ITGA2: variants seen among roughly 807,000 people sequenced by gnomAD.
ITGA2 encodes the protein integrin alpha-2.
A neutral mutation model predicts 146.3 loss-of-function variants in ITGA2; 101 were observed. The ratio of observed to expected loss-of-function variants is 0.69; its 90% confidence interval spans 0.59 to 0.81. The LOEUF (loss-of-function observed/expected upper bound fraction) is 0.81. Among genes scored for constraint, ITGA2 ranks in the 40% least tolerant of loss-of-function variants. The pLI, the probability that ITGA2 is intolerant of heterozygous loss-of-function variation, is 0.00. For synonymous variants in ITGA2, 477 were observed against 487.1 expected (o/e 0.98, Z 0.27); for missense variants, 1,281 against 1,402.7 (o/e 0.91, Z 1.39).
chr5:53,031,715 A>G (rs1001942193), intron 2 of ITGA2, among the ~76,000 whole-genome samples: 5 of 152,172 alleles, frequency 3.3e-5, no homozygotes, highest in African/African-American at 1.2e-4. Flanking sequence ...TGAGCGGGAT[A>G]ATTTTAAAAC....
rs1744825259 is a variant in ITGA2 at position 53,059,983 on chromosome 5, T to A, written c.1283T>A (p.Leu428Gln). The A allele has an allele frequency of 6.2e-7, 1 of 1,612,338 alleles. No homozygotes were observed. Among genetic ancestry groups the A allele is most frequent in the African/African-American group, 1.3e-5 (1 of 74,928 alleles). ...IFPKQAFDQI[L>Q]QDRNHSSYLG... The stretch of plus-strand genomic sequence containing the variant: ...CCTAAACAAGCCTTTGACCAAATTC[T>A]GCAGGACAGAAATCACAGTTCATAT... The change falls in exon 11 of 30, where the codon CTG becomes CAG. Residue 428 changes from leucine to glutamine, a missense_variant. Leu to Gln is a moderately radical substitution (Grantham distance 113). Coordinates refer to ENST00000296585, the MANE Select transcript of ITGA2 (RefSeq NM_002203.4).
intron 29 of ITGA2, among the ~76,000 whole-genome samples, 167 bp from the exon 30 acceptor site, chr5:53,090,352 T>G (rs1443905669): frequency 6.6e-6 from 1 of 152,156 alleles, no homozygotes. Flanking sequence ...TGGATATAAA[T>G]TTCCTTCTAG....
chr5:52,991,417 TACAC>T (rs3839264), intron 1 of ITGA2, among the ~76,000 whole-genome samples: 3 of 150,676 alleles, frequency 2.0e-5, no homozygotes, highest in East Asian at 1.9e-4. Context: ...TCACTATCAT[TACAC>T]ACACACACAC....
At chr5:53,073,603 G>T (rs929744600) in intron 20 of ITGA2, among the ~76,000 whole-genome samples, 1 of 151,856 alleles carries the variant, frequency 6.6e-6, no homozygotes, top group Non-Finnish European at 1.5e-5. Context: ...CTTAGCCTGA[G>T]CTTTGCAACT....
At chr5:53,022,740 A>G (rs536238832) in intron 1 of ITGA2, among the ~76,000 whole-genome samples, 65 of 152,142 alleles carry the variant, frequency 4.3e-4, no homozygotes, top group African/African-American at 1.4e-3. Context: ...CTAATTGTCT[A>G]TTTTTTGTAG....
intron 1 of ITGA2, among the ~76,000 whole-genome samples, chr5:53,008,965 C>CT (rs893884243): frequency 6.6e-6 from 1 of 152,108 alleles, no homozygotes; most frequent in Non-Finnish European, 1.5e-5. Flanking sequence ...GAGCATGTGT[C>CT]TATCAGTTCC....
chr5:53,001,492 A>T (rs893029834), intron 1 of ITGA2, among the ~76,000 whole-genome samples: 20 of 152,138 alleles, frequency 1.3e-4, no homozygotes, highest in Admixed American at 6.6e-5. Flanking sequence ...CACTTTTGAC[A>T]GGTCTTGGAT....
At chr5:53,063,126 G>A (rs1744976080) in intron 13 of ITGA2, among the ~76,000 whole-genome samples, 197 bp downstream of exon 13, 1 of 151,804 alleles carries the variant, frequency 6.6e-6, no homozygotes, top group Admixed American at 6.6e-5. Flanking sequence ...AGAGTTGAAT[G>A]TATAGTGTAC....
chr5:53,001,703 C>G (rs1322224218), intron 1 of ITGA2, among the ~76,000 whole-genome samples: 1 of 151,634 alleles, frequency 6.6e-6, no homozygotes. Flanking sequence ...AGCCAGGAAT[C>G]GTGCTGCATG....
rs1292844488 is a variant in ITGA2 at position 53,094,771 on chromosome 5, T to TGTA, written c.*4172_*4173insGTA. 6.6e-6 allele frequency: 1 copy of TGTA among 152,242 alleles called. No homozygotes were observed. Among genetic ancestry groups the TGTA allele is most frequent in the African/African-American group, 2.4e-5 (1 of 41,468 alleles). 9.4% of individuals were successfully genotyped at this position (152,242 alleles called of 1,614,324 possible). On this transcript the variant is annotated 3_prime_UTR_variant, in exon 30 of 30. Transcript: ENST00000296585. ...AATAAAGCCATTTTCTTTGGGCTTT[T>TGTA]ATAAGTTATATATTTTACTATTTTT...
intron 1 of ITGA2, among the ~76,000 whole-genome samples, chr5:53,024,120 G>A (rs1475152975): frequency 2.0e-5 from 3 of 152,118 alleles, no homozygotes; most frequent in African/African-American, 2.4e-5. Flanking sequence ...GTGACATTGC[G>A]CAAGAAAGAC....
chr5:53,080,199 TC>T (rs1745849787), intron 24 of ITGA2, among the ~76,000 whole-genome samples: 1 of 152,160 alleles, frequency 6.6e-6, no homozygotes, highest in Non-Finnish European at 1.5e-5. Flanking sequence ...TGAGTTTTTT[TC>T]CATTGAGCCA....
chr5:53,026,616 T>G, intron 1 of ITGA2, 132 bp from the exon 2 acceptor site: 1 of 802,348 alleles, frequency 1.2e-6, no homozygotes, highest in East Asian at 2.7e-5. Context: ...GTAGTTATTT[T>G]TTCTGGGTAA....
At chr5:53,090,412 C>A in intron 29 of ITGA2, 107 bp from the exon 30 acceptor site, 1 of 892,446 alleles carries the variant, frequency 1.1e-6, no homozygotes, top group Non-Finnish European at 1.9e-6. Context: ...TTCAGAGCCT[C>A]AGGGATTCCC....
intron 1 of ITGA2, chr5:52,990,037 C>G (rs907438701): frequency 5.8e-6 from 1 of 173,888 alleles, no homozygotes; most frequent in African/African-American, 2.4e-5. Flanking sequence ...CCTGCGAGCC[C>G]CAAAATGCTT....
intron 21 of ITGA2, 31 bp downstream of exon 21, chr5:53,074,508 A>ATGTG (rs758644148): frequency 4.0e-6 from 6 of 1,510,510 alleles, no homozygotes; most frequent in Non-Finnish European, 5.5e-6. Flanking sequence ...TCCAATCCAT[A>ATGTG]CAAGCCCTCC....
chr5:53,067,216 T>C lies in ITGA2; in HGVS notation c.2042T>C (p.Phe681Ser). 6.2e-7 allele frequency: 1 copy of C among 1,611,710 alleles called. No homozygotes were observed. Among genetic ancestry groups the C allele is most frequent in the Non-Finnish European group, 8.5e-7 (1 of 1,178,702 alleles). ...GCTCAGATAATTCTCAAACTCTGCT[T>C]CAGTGCAAAGTTCAGACCTACTAAG... ...KNAQIILKLCFSAKFRPTKQN... is the reference protein window; with the variant it reads ...KNAQIILKLCSSAKFRPTKQN... The change falls in exon 16 of 30, where the codon TTC becomes TCC. Residue 681 changes from phenylalanine to serine, a missense_variant. By Grantham distance (155) the Phe-to-Ser change is radical (BLOSUM62 -2). Transcript: ENST00000296585.
At chr5:53,062,568 C>T (rs1697609285) in intron 12 of ITGA2, among the ~76,000 whole-genome samples, 1 of 151,826 alleles carries the variant, frequency 6.6e-6, no homozygotes, top group South Asian at 2.1e-4. Flanking sequence ...AAGGCATTTT[C>T]TTGGAGATTC....
intron 4 of ITGA2, among the ~76,000 whole-genome samples, chr5:53,047,715 T>A (rs1481883549): frequency 1.3e-5 from 2 of 152,132 alleles, no homozygotes; most frequent in Non-Finnish European, 2.9e-5. Flanking sequence ...TAGGCATGGG[T>A]TCTTCATTCA....
Sources: gnomAD v4.1 joint callset for allele counts (sites outside exome capture counted in the v4.1 genomes callset) on GRCh38, gnomAD v4.1.1 for gene constraint, MANE v1.5 for transcripts, NCBI Gene and HGNC (gene_info 2026-07-23, HGNC 2026-07-21) for gene names.